ZNF148: variants seen among roughly 807,000 people sequenced by gnomAD.
ZNF148 encodes Beta-Enolase Repressor Factor-1.
ZNF148 carries 7 observed loss-of-function variants against 67.7 expected under a neutral mutation model. The observed-to-expected ratio is 0.10, with a 90% CI of 0.06 to 0.19. The LOEUF (loss-of-function observed/expected upper bound fraction) is 0.19, where lower values mean the gene tolerates loss of function less well. Ranked by LOEUF, ZNF148 falls within the 10% of genes least tolerant of loss-of-function variation. The probability of loss-of-function intolerance (pLI) is 1.00; values close to 1 mark genes in which losing one functional copy is unlikely to be tolerated. For synonymous variants in ZNF148, 333 were observed against 330.7 expected (o/e 1.01, Z -0.08); for missense variants, 583 against 947.1 (o/e 0.62, Z 5.05).
intron 4 of ZNF148, chr3:125,311,136 G>A (rs61997215): frequency 7.5e-5 from 14 of 185,728 alleles, no homozygotes; most frequent in African/African-American, 2.8e-4. Context: ...TAGCTCCATG[G>A]TTTGGATTAG....
intron 2 of ZNF148, among the ~76,000 whole-genome samples, chr3:125,329,261 C>T (rs1375380060): frequency 2.1e-5 from 3 of 146,114 alleles, no homozygotes; most frequent in Admixed American, 1.4e-4. Flanking sequence ...GTAGTATATA[C>T]ATATGAATGT....
chr3:125,344,346 T>C (rs1457418899), intron 1 of ZNF148: 1 of 570,946 alleles, frequency 1.8e-6, no homozygotes, highest in East Asian at 2.9e-5. Flanking sequence ...AAGAAGAAAA[T>C]CCACTTCCAA....
intron 7 of ZNF148, among the ~76,000 whole-genome samples, chr3:125,242,728 T>G (rs550866661): frequency 1.8e-4 from 28 of 152,348 alleles, no homozygotes; most frequent in African/African-American, 6.3e-4. Context: ...AACTTTTGTT[T>G]TTTCAGATGG....
At chr3:125,254,647 T>C (rs781739622) in intron 7 of ZNF148, among the ~76,000 whole-genome samples, 9 of 152,232 alleles carry the variant, frequency 5.9e-5, no homozygotes, top group Non-Finnish European at 8.8e-5. Flanking sequence ...CTCTTCTGTC[T>C]GACATTAGCT....
intron 7 of ZNF148, among the ~76,000 whole-genome samples, chr3:125,256,750 C>G (rs1193065780): frequency 6.6e-6 from 1 of 152,092 alleles, no homozygotes; most frequent in Non-Finnish European, 1.5e-5. Context: ...AGTAAATTAT[C>G]CTTTCCTACT....
intron 1 of ZNF148, among the ~76,000 whole-genome samples, chr3:125,349,529 A>T (rs1322511366): frequency 6.6e-6 from 1 of 152,254 alleles, no homozygotes; most frequent in African/African-American, 2.4e-5. Context: ...CCACAATGAG[A>T]TACCATCTCA....
At chr3:125,252,820 A>T (rs1036624907) in intron 7 of ZNF148, among the ~76,000 whole-genome samples, 13 of 151,214 alleles carry the variant, frequency 8.6e-5, no homozygotes, top group African/African-American at 3.2e-4. Context: ...TCTCAGCCAC[A>T]CTCCAGTGTC....
intron 3 of ZNF148, among the ~76,000 whole-genome samples, chr3:125,322,044 T>TG (rs1216321998): frequency 6.8e-6 from 1 of 146,634 alleles, no homozygotes; most frequent in African/African-American, 2.5e-5. Context: ...TTTTTTTTTT[T>TG]TTTTTGAGAG....
At position 125,372,942 on chromosome 3, in the gene ZNF148, G is replaced by A. The variant is rs1289202563; in HGVS notation, c.-234+2160C>T. 3.9e-5 allele frequency among the ~76,000 whole-genome samples: 6 copies of A among 151,984 alleles called. No homozygotes were observed. The East Asian group carries it at 1.2e-3, about 29-fold the overall frequency. The stretch of plus-strand genomic sequence containing the variant: ...GATCACGCCATTGCACTCCAGTCTG[G>A]GCAACAAGAGTGAAACTCCGTCTCA... On this transcript the variant is annotated intron_variant, in intron 1 of 8. Coordinates refer to ENST00000360647, the MANE Select transcript of ZNF148 (RefSeq NM_021964.3).
At position 125,301,228 on chromosome 3, in the gene ZNF148, T is replaced by C. The variant is rs144332489; in HGVS notation, c.333+12080A>G. On this transcript the variant is annotated intron_variant, in intron 4 of 8. Transcript: ENST00000360647. Reference sequence around the variant, plus strand: ...AGATGTAGACGTTCAAAAGTTGGCCTAGGCCAGGTATGGCAGCTCATGCCT... The same window carrying C: ...AGATGTAGACGTTCAAAAGTTGGCCCAGGCCAGGTATGGCAGCTCATGCCT... Among the ~76,000 whole-genome samples the C allele has an allele frequency of 1.0e-3, 155 of 152,354 alleles. 1 individual carries two copies. The highest frequency in any genetic ancestry group is 3.4e-3 in the Middle Eastern group (1 of 294).
chr3:125,369,559 G>A (rs1333771831), intron 1 of ZNF148, among the ~76,000 whole-genome samples: 1 of 151,262 alleles, frequency 6.6e-6, no homozygotes, highest in Non-Finnish European at 1.5e-5. Flanking sequence ...CAGAAAAGGT[G>A]TTCTAAAAAC....
At chr3:125,340,052 G>C (rs1941649619) in intron 1 of ZNF148, among the ~76,000 whole-genome samples, 1 of 152,062 alleles carries the variant, frequency 6.6e-6, no homozygotes, top group Non-Finnish European at 1.5e-5. Flanking sequence ...AATAAGCAAA[G>C]GAAAATCCAA....
intron 4 of ZNF148, among the ~76,000 whole-genome samples, chr3:125,303,846 G>A (rs1047494474): frequency 6.6e-6 from 1 of 151,862 alleles, no homozygotes; most frequent in Non-Finnish European, 1.5e-5. Context: ...TGCCAAAAAC[G>A]GTTAGGGGTT....
intron 7 of ZNF148, among the ~76,000 whole-genome samples, chr3:125,245,592 G>C (rs956630120): frequency 6.6e-6 from 1 of 152,114 alleles, no homozygotes; most frequent in African/African-American, 2.4e-5. Flanking sequence ...CTGCACAAAT[G>C]AGAGAACTGT....
At chr3:125,246,566 T>A (rs1936609308) in intron 7 of ZNF148, among the ~76,000 whole-genome samples, 1 of 152,048 alleles carries the variant, frequency 6.6e-6, no homozygotes, top group East Asian at 1.9e-4. Context: ...ATAATTAATG[T>A]GAAGTAGGAA....
chr3:125,313,429 T>C lies in ZNF148; in HGVS notation c.212A>G (p.Gln71Arg), dbSNP rs1292802018. ...TTCATCATGTGATATCATATCCTGTTGTCTCATTTCACTTTCTTGTAACAC... is the reference window on the plus strand; with the variant it reads ...TTCATCATGTGATATCATATCCTGTCGTCTCATTTCACTTTCTTGTAACAC... ...DEVLQESEMR[Q>R]QDMISHDELM... Residue 71 changes from glutamine to arginine, a missense_variant, in exon 4 of 9, where the codon CAA (glutamine) becomes CGA (arginine). Gln to Arg is a conservative substitution (Grantham distance 43, BLOSUM62 1). Coordinates refer to ENST00000360647, the MANE Select transcript of ZNF148 (RefSeq NM_021964.3). 1 of 1,614,048 alleles carries C rather than the reference T, an allele frequency of 6.2e-7. No individual in the cohort carries two copies.
At chr3:125,347,613 G>A (rs1192611718) in intron 1 of ZNF148, among the ~76,000 whole-genome samples, 1 of 151,082 alleles carries the variant, frequency 6.6e-6, no homozygotes, top group Non-Finnish European at 1.5e-5. Context: ...TGTCACCCAG[G>A]CTGGAGTGCA....
chr3:125,341,950 C>T lies in ZNF148; in HGVS notation c.-233-10712G>A, dbSNP rs138074353. On this transcript the variant is annotated intron_variant, in intron 1 of 8. Coordinates refer to ENST00000360647, the MANE Select transcript of ZNF148 (RefSeq NM_021964.3). ...GGTGGTGGCTGCAGTGAGCCAAGAT[C>T]GTGCCACTAACTCCAGCCTGGGTGA... 5.5e-3 allele frequency among the ~76,000 whole-genome samples: 799 copies of T among 145,010 alleles called. 7 individuals carry two copies. The highest frequency in any genetic ancestry group is 0.019 in the African/African-American group (753 of 38,830).
chr3:125,313,221 T>C (rs1940311992), intron 4 of ZNF148, 87 bp downstream of exon 4: 1 of 1,112,750 alleles, frequency 9.0e-7, no homozygotes, highest in African/African-American at 1.6e-5. Flanking sequence ...CCCTGAAACA[T>C]TTTCTGAAAT....
Sources: gnomAD v4.1 joint callset for allele counts (sites outside exome capture counted in the v4.1 genomes callset) on GRCh38, gnomAD v4.1.1 for gene constraint, MANE v1.5 for transcripts, NCBI Gene and HGNC (gene_info 2026-07-23, HGNC 2026-07-21) for gene names.